The following PSMD13 variants were observed in gnomAD, a reference collection of about 807,000 sequenced individuals.
PSMD13 encodes the protein 26S proteasome non-ATPase regulatory subunit 13.
PSMD13 carries 8 observed loss-of-function variants against 57.4 expected under a neutral mutation model. The ratio of observed to expected loss-of-function variants is 0.14; its 90% CI spans 0.08 to 0.25. The LOEUF (loss-of-function observed/expected upper bound fraction) is 0.25. PSMD13 is among the 10% of genes least tolerant of loss of function. The pLI is 1.00. For missense variants in PSMD13, 400 were observed against 461.5 expected, an observed-to-expected ratio of 0.87 and a Z score of 1.22; for synonymous variants, 193 against 168.2, an observed-to-expected ratio of 1.15 and a Z score of -1.14.
chr11:237,281 G>A (rs1859301083), intron 1 of PSMD13, 137 bp downstream of exon 1: 3 of 778,186 alleles, frequency 3.9e-6, no homozygotes, highest in Non-Finnish European at 6.0e-6. Flanking sequence ...TGTAGCGACC[G>A]GCTGTGCCGG....
chr11:237,888 T>A (rs1050426360), intron 1 of PSMD13, among the ~76,000 whole-genome samples: 5 of 152,230 alleles, frequency 3.3e-5, no homozygotes, highest in Non-Finnish European at 7.3e-5. Flanking sequence ...AGAAAATACA[T>A]CTCCTGTAGT....
chr11:237,196 G>C (rs539149175), intron 1 of PSMD13, 52 bp downstream of exon 1: 26 of 1,542,660 alleles, frequency 1.7e-5, no homozygotes, highest in East Asian at 6.9e-5. Flanking sequence ...GGAGACGGAG[G>C]GGGCAGGCGG....
At position 243,106 on chromosome 11, in the gene PSMD13, T is replaced by G. The variant is rs1158230583; in HGVS notation, c.175-935T>G. ...ACTGCGCCCGGATGGTTACGTCTTTTTCTTTCCCTTTTTTTACTTCCCTCT... is the reference window on the plus strand; with the variant it reads ...ACTGCGCCCGGATGGTTACGTCTTTGTCTTTCCCTTTTTTTACTTCCCTCT... On this transcript the variant is annotated intron_variant, in intron 2 of 12. Transcript: ENST00000532097. The G allele has an allele frequency of 3.5e-5, 20 of 576,920 alleles. 1 individual carries two copies. The highest frequency in any genetic ancestry group is 3.3e-4 in the African/African-American group (18 of 54,202). The allele number at this position is 576,920 out of a possible 1,614,324, so 35.7% of individuals were successfully genotyped here. A position where few individuals can be genotyped will look rare whatever the true frequency, so the allele number is the denominator to read the frequency against.
chr11:237,006 T>C lies in PSMD13; in HGVS notation c.-44T>C, dbSNP rs760823385. The C allele has an allele frequency of 1.3e-6, 2 of 1,520,804 alleles. No homozygotes were observed. Among genetic ancestry groups the C allele is most frequent in the Non-Finnish European group, 1.8e-6 (2 of 1,097,594 alleles). 94.2% of individuals were successfully genotyped at this position (1,520,804 alleles called of 1,614,324 possible). A position where few individuals can be genotyped will look rare whatever the true frequency, so the allele number is the denominator to read the frequency against. ...TTTCCGGCAGCCATCCCCGCGGTGC[T>C]GACATCCCGGTTGTTCTTCTGTGCC... is the stretch of plus-strand genomic sequence containing the variant. On this transcript the variant is annotated 5_prime_UTR_variant, in exon 1 of 13. Coordinates refer to ENST00000532097, the MANE Select transcript of PSMD13 (RefSeq NM_002817.4).
chr11:248,114 G>A (rs1859694381), intron 7 of PSMD13: 1 of 146,436 alleles, frequency 6.8e-6, no homozygotes, highest in East Asian at 2.0e-4. Context: ...AATCCCTGTA[G>A]CTGAGACCCT....
intron 1 of PSMD13, among the ~76,000 whole-genome samples, 200 bp downstream of exon 1, chr11:237,344 C>G (rs930310231): frequency 2.1e-4 from 32 of 152,210 alleles, no homozygotes; most frequent in Non-Finnish European, 4.4e-5. Context: ...AGAGGGATGA[C>G]AGACCACGAG....
At position 244,739 on chromosome 11, in the gene PSMD13, T is replaced by A; in HGVS notation, c.374T>A (p.Ile125Asn). The A allele has an allele frequency of 6.2e-7, 1 of 1,613,472 alleles. No individual in the cohort carries two copies. Among genetic ancestry groups the A allele is most frequent in the Non-Finnish European group, 8.5e-7 (1 of 1,179,480 alleles). ...GCAATTGGAGCTCTAAAATTAAACA[T>A]CGGGGACCTACAGGTTACAAAGGTG... is the stretch of plus-strand genomic sequence containing the variant. ...KTAIGALKLNIGDLQVTKETI... is the reference protein window; with the variant it reads ...KTAIGALKLNNGDLQVTKETI... The change falls in exon 6 of 13, where the codon ATC (isoleucine) becomes AAC (asparagine). Residue 125 changes from isoleucine to asparagine, a missense_variant. Ile to Asn is a moderately radical substitution (Grantham distance 149). Coordinates refer to ENST00000532097, the MANE Select transcript of PSMD13 (RefSeq NM_002817.4).
intron 2 of PSMD13, among the ~76,000 whole-genome samples, chr11:240,292 G>A (rs1859488310): frequency 6.6e-6 from 1 of 151,786 alleles, no homozygotes; most frequent in African/African-American, 2.4e-5. Flanking sequence ...GTATTTCTTA[G>A]TAGAGATGGG....
chr11:252,608 T>A lies in PSMD13; in HGVS notation c.*8T>A. On this transcript the variant is annotated 3_prime_UTR_variant, in exon 13 of 13. Transcript: ENST00000532097. The surrounding 1 kb of genome is among the most constrained non-coding windows in gnomAD (Gnocchi z 4.1). ...CATGACATCCTCACCTAGGGCCCCC[T>A]GGTTCCCCGTCGTGTCTCCTTTGAC... is the stretch of plus-strand genomic sequence containing the variant. 6.2e-7 allele frequency: 1 copy of A among 1,613,372 alleles called. No homozygotes were observed. Among genetic ancestry groups the A allele is most frequent in the Non-Finnish European group, 8.5e-7 (1 of 1,179,356 alleles).
At chr11:243,207 A>G (rs566841140) in intron 2 of PSMD13, 11 of 612,586 alleles carry the variant, frequency 1.8e-5, no homozygotes, top group South Asian at 4.4e-5. Flanking sequence ...TTTATGCTGC[A>G]CACAACATTA....
rs746774709 is a variant in PSMD13 at position 239,014 on chromosome 11, A to G, written c.112A>G (p.Thr38Ala). The G allele has an allele frequency of 1.2e-6, 2 of 1,614,010 alleles. No individual in the cohort carries two copies. The highest frequency in any genetic ancestry group is 1.7e-6 in the Non-Finnish European group (2 of 1,180,032). The change falls in exon 2 of 13, where the codon ACA (threonine) becomes GCA (alanine). Residue 38 changes from threonine (T) to alanine (A), a missense_variant. Transcript: ENST00000532097. ...GTTTTTCAGGTTGTGGCATCAGCTG[A>G]CACTTCAGGTGCTTGATTTTGTGCA... ...LYTKKLWHQL[T>A]LQVLDFVQDP... is the part of the protein sequence containing the mutation.
rs1032631934 is a variant in PSMD13, at chr11:251,897, C to T, written c.996C>T (p.His332=). 54 of 1,614,038 alleles carry T rather than the reference C, an allele frequency of 3.3e-5. No homozygotes were observed. Among genetic ancestry groups the T allele is most frequent in the Non-Finnish European group, 4.2e-5 (49 of 1,180,012 alleles). The part of the protein sequence containing the change: ...GSIDEVDKRV[H]MTWVQPRVLD... ...TAGACGAGGTGGACAAACGAGTCCACATGACCTGGGTGCAGCCCCGAGTGT... is the reference window on the plus strand; with the variant it reads ...TAGACGAGGTGGACAAACGAGTCCATATGACCTGGGTGCAGCCCCGAGTGT... The change falls in exon 12 of 13, where the codon CAC becomes CAT. Residue 332 remains histidine, a synonymous_variant. Coordinates refer to ENST00000532097, the MANE Select transcript of PSMD13 (RefSeq NM_002817.4). The surrounding 1 kb of genome is among the most constrained non-coding windows in gnomAD (Gnocchi z 4.6).
In PSMD13 at chr11:247,431, A is replaced by C. The variant is rs994933089; in HGVS notation, c.551A>C (p.Asp184Ala). The part of the protein sequence containing the change: ...KDALRFLGCV[D>A]IKDLPVSEQQ... ...GCTCTGCGGTTTTTGGGCTGTGTTG[A>C]CATCAAGGATCTACCAGGTAACCTA... is the stretch of plus-strand genomic sequence containing the variant. The change falls in exon 7 of 13, where the codon GAC becomes GCC. Residue 184 changes from aspartate to alanine, a missense_variant. Coordinates refer to ENST00000532097, the MANE Select transcript of PSMD13 (RefSeq NM_002817.4). 1.3e-6 allele frequency: 2 copies of C among 1,593,740 alleles called. No homozygotes were observed. The highest frequency in any genetic ancestry group is 1.7e-6 in the Non-Finnish European group (2 of 1,167,574).
chr11:243,959 T>G, intron 2 of PSMD13, 82 bp from the exon 3 acceptor site: 1 of 1,411,756 alleles, frequency 7.1e-7, no homozygotes, highest in East Asian at 2.3e-5. Flanking sequence ...ATGCAGCTTC[T>G]TTACCAAAGA....
In PSMD13 at chr11:252,157, G is replaced by T. The variant is rs1859776668; in HGVS notation, c.1035+221G>T. ...AAAAGCTTATGATGACAATGGCACT[G>T]GTTGTGCTGACGGTGCCTTTTAATC... On this transcript the variant is annotated intron_variant, in intron 12 of 12. Transcript: ENST00000532097. This position sits in a 1 kb window ranked among gnomAD's most constrained non-coding sequence, Gnocchi z 4.1. 1.9e-6 allele frequency: 1 copy of T among 534,498 alleles called. No individual in the cohort carries two copies. Among genetic ancestry groups the T allele is most frequent in the Admixed American group, 3.3e-5 (1 of 29,912 alleles). The allele number at this position is 534,498 out of a possible 1,614,324, so 33.1% of individuals were successfully genotyped here. A position where few individuals can be genotyped will look rare whatever the true frequency, so the allele number is the denominator to read the frequency against.
At chr11:245,358 A>G (rs1468692433) in intron 6 of PSMD13, among the ~76,000 whole-genome samples, 1 of 151,812 alleles carries the variant, frequency 6.6e-6, no homozygotes, top group East Asian at 1.9e-4. Context: ...ACAAAAGAGC[A>G]CTCCCCTGTG....
intron 7 of PSMD13, chr11:247,681 A>G (rs931744377): frequency 2.9e-6 from 1 of 348,646 alleles, no homozygotes; most frequent in Non-Finnish European, 5.2e-6. Flanking sequence ...AAAATACAAA[A>G]AACTAGCCAG....
intron 1 of PSMD13, among the ~76,000 whole-genome samples, chr11:237,701 C>T (rs1488577618): frequency 6.6e-6 from 1 of 152,164 alleles, no homozygotes; most frequent in Non-Finnish European, 1.5e-5. Context: ...TTCCGCCGTC[C>T]CATTGTCTTT....
intron 2 of PSMD13, among the ~76,000 whole-genome samples, chr11:242,490 A>G (rs1432899545): frequency 1.3e-5 from 2 of 152,064 alleles, no homozygotes; most frequent in Non-Finnish European, 2.9e-5. Context: ...AGATAGATAT[A>G]AGATTTCAAG....
Sources: allele counts gnomAD v4.1 joint callset (sites outside exome capture counted in the v4.1 genomes callset), GRCh38; gene constraint gnomAD v4.1.1; non-coding constraint Gnocchi (gnomAD v3.1); transcripts MANE v1.5; gene names NCBI Gene and HGNC (gene_info 2026-07-23, HGNC 2026-07-21).